SPMIP7: variants seen among roughly 807,000 people sequenced by gnomAD.
SPMIP7 encodes the protein sperm microtubule inner protein 7.
chr7:50,142,988 G>A, the SPMIP7 span, among the ~76,000 whole-genome samples: 351 of 152,268 alleles, frequency 2.3e-3, 3 homozygotes, highest in African/African-American at 8.1e-3. Context: ...GTAAGGTACA[G>A]AGAGCCATCC....
chr7:50,143,585 A>G, the SPMIP7 span, among the ~76,000 whole-genome samples: 1 of 152,040 alleles, frequency 6.6e-6, no homozygotes, highest in South Asian at 2.1e-4. Context: ...TCATTAGTTG[A>G]TTTTGTTTTA....
the SPMIP7 span, among the ~76,000 whole-genome samples, chr7:50,102,056 G>A: frequency 1.3e-5 from 2 of 152,204 alleles, no homozygotes; most frequent in African/African-American, 2.4e-5. Flanking sequence ...CGCAGCCGTG[G>A]CTCACGCCTG....
chr7:50,125,590 G>A, the SPMIP7 span, among the ~76,000 whole-genome samples: 2 of 132,040 alleles, frequency 1.5e-5, no homozygotes, highest in Admixed American at 7.4e-5. Flanking sequence ...AATATGGTGT[G>A]TGTGTGTGTG....
the SPMIP7 span, chr7:50,096,433 T>C: frequency 6.4e-7 from 1 of 1,551,750 alleles, no homozygotes; most frequent in Non-Finnish European, 8.7e-7. Context: ...CTGGTGGTGA[T>C]GCTGATTTAA....
chr7:50,108,944 T>C, the SPMIP7 span, among the ~76,000 whole-genome samples: 1 of 152,198 alleles, frequency 6.6e-6, no homozygotes, highest in Non-Finnish European at 1.5e-5. Flanking sequence ...CTTAGCACCT[T>C]AGACAGGTCA....
the SPMIP7 span, among the ~76,000 whole-genome samples, chr7:50,103,597 A>G: frequency 1.3e-5 from 2 of 152,196 alleles, no homozygotes; most frequent in Non-Finnish European, 2.9e-5. Context: ...ACCATTGCAC[A>G]TACTGTTTCC....
the SPMIP7 span, among the ~76,000 whole-genome samples, chr7:50,153,212 T>G: frequency 6.6e-6 from 1 of 152,328 alleles, no homozygotes; most frequent in South Asian, 2.1e-4. Context: ...AGGGGCTTAT[T>G]GAGCTTTGTG....
At chr7:50,108,825 A>G in the SPMIP7 span, among the ~76,000 whole-genome samples, 2 of 152,214 alleles carry the variant, frequency 1.3e-5, no homozygotes, top group Non-Finnish European at 2.9e-5. Context: ...GAAGTTTGAA[A>G]TGACCATAAT....
chr7:50,156,469 A>G, the SPMIP7 span, among the ~76,000 whole-genome samples: 5 of 151,846 alleles, frequency 3.3e-5, no homozygotes, highest in South Asian at 1.0e-3. Context: ...TAGGTTCCTC[A>G]CTTATTAAGA....
the SPMIP7 span, among the ~76,000 whole-genome samples, chr7:50,100,811 A>C: frequency 5.5e-3 from 718 of 130,692 alleles, 17 homozygotes; most frequent in South Asian, 0.087. Flanking sequence ...GATGCCGTCC[A>C]AAAATAAATA....
chr7:50,145,612 G>GTATATATATATATA, the SPMIP7 span, among the ~76,000 whole-genome samples: 44 of 36,884 alleles, frequency 1.2e-3, 5 homozygotes, highest in South Asian at 2.7e-3. Context: ...GTGTGTATAT[G>GTATATATATATATA]TGTGTGTATA....
the SPMIP7 span, among the ~76,000 whole-genome samples, chr7:50,138,664 A>C: frequency 6.6e-6 from 1 of 152,244 alleles, no homozygotes; most frequent in Non-Finnish European, 1.5e-5. Context: ...GTTTTTGCTA[A>C]ATTTTAATGA....
At chr7:50,125,075 G>A in the SPMIP7 span, among the ~76,000 whole-genome samples, 3 of 125,766 alleles carry the variant, frequency 2.4e-5, no homozygotes, top group Non-Finnish European at 5.5e-5. Context: ...CTCCAGCCTA[G>A]GCGACAGAGT....
chr7:50,097,823 T>G, the SPMIP7 span, among the ~76,000 whole-genome samples: 11 of 152,276 alleles, frequency 7.2e-5, no homozygotes, highest in South Asian at 2.3e-3. Context: ...ATACATAAAT[T>G]AGGAATAATC....
chr7:50,107,643 C>T, the SPMIP7 span, among the ~76,000 whole-genome samples: 1 of 152,140 alleles, frequency 6.6e-6, no homozygotes, highest in South Asian at 2.1e-4. Flanking sequence ...ATAACACATG[C>T]TTATTTGGAA....
the SPMIP7 span, chr7:50,159,090 C>G: frequency 6.4e-7 from 1 of 1,551,948 alleles, no homozygotes; most frequent in Non-Finnish European, 8.7e-7. Context: ...CGTCACCAGG[C>G]TCCCCTGTCT....
At chr7:50,104,484 A>G in the SPMIP7 span, 1 of 480,980 alleles carries the variant, frequency 2.1e-6, no homozygotes, top group Non-Finnish European at 3.2e-6. Flanking sequence ...TAATTAGTTT[A>G]TTTTATTGTT....
chr7:50,158,124 G>C, the SPMIP7 span, among the ~76,000 whole-genome samples: 1 of 151,870 alleles, frequency 6.6e-6, no homozygotes, highest in Non-Finnish European at 1.5e-5. Flanking sequence ...TCTTTTCCTG[G>C]CCTCTGGCCT....
At chr7:50,141,533 T>C in the SPMIP7 span, 5 of 614,226 alleles carry the variant, frequency 8.1e-6, no homozygotes, top group Admixed American at 1.1e-4. Flanking sequence ...AAAAGAAATG[T>C]GGTTTGTCAC....
Sources: allele counts gnomAD v4.1 joint callset (sites outside exome capture counted in the v4.1 genomes callset), GRCh38; gene constraint gnomAD v4.1.1; transcripts MANE v1.5; gene names NCBI Gene and HGNC (gene_info 2026-07-23, HGNC 2026-07-21).